ARK2C: variants seen among roughly 807,000 people sequenced by gnomAD.
ARK2C encodes the protein E3 ubiquitin-protein ligase ARK2C.
At chr18:46,422,728 A>T in the ARK2C span, among the ~76,000 whole-genome samples, 4 of 152,180 alleles carry the variant, frequency 2.6e-5, no homozygotes, top group Non-Finnish European at 4.4e-5. Context: ...CTGGTGGGCC[A>T]AAAAGGGCCC....
At chr18:46,341,416 AG>A in the ARK2C span, among the ~76,000 whole-genome samples, 1 of 151,806 alleles carries the variant, frequency 6.6e-6, no homozygotes, top group Non-Finnish European at 1.5e-5. Context: ...TCTATGTGGA[AG>A]GGGCTGAGGG....
the ARK2C span, among the ~76,000 whole-genome samples, chr18:46,396,284 T>C: frequency 0.12 from 18,889 of 152,086 alleles, 1,303 homozygotes; most frequent in East Asian, 0.27. Context: ...GAGGAGGGAA[T>C]GGAGGCCATT....
chr18:46,389,578 T>A, the ARK2C span, among the ~76,000 whole-genome samples: 1 of 152,112 alleles, frequency 6.6e-6, no homozygotes, highest in African/African-American at 2.4e-5. Context: ...TGGGGGTGGA[T>A]TATTACGCTT....
At chr18:46,342,429 G>C in the ARK2C span, among the ~76,000 whole-genome samples, 1 of 152,206 alleles carries the variant, frequency 6.6e-6, no homozygotes, top group Non-Finnish European at 1.5e-5. Flanking sequence ...GCCAAGCTTC[G>C]AGGGGGTCTA....
At chr18:46,373,714 G>T in the ARK2C span, among the ~76,000 whole-genome samples, 1 of 152,206 alleles carries the variant, frequency 6.6e-6, no homozygotes, top group Non-Finnish European at 1.5e-5. Flanking sequence ...TTAGGACAGG[G>T]CTGTCTCCAG....
the ARK2C span, among the ~76,000 whole-genome samples, chr18:46,346,262 G>A: frequency 1.3e-5 from 2 of 152,194 alleles, no homozygotes; most frequent in African/African-American, 4.8e-5. Context: ...TCTGAGGGGG[G>A]CACAGGACTC....
At chr18:46,426,272 A>G in the ARK2C span, among the ~76,000 whole-genome samples, 1 of 152,190 alleles carries the variant, frequency 6.6e-6, no homozygotes, top group Admixed American at 6.5e-5. Context: ...GTTACTTATC[A>G]GATGAGTGTC....
chr18:46,454,709 A>C, the ARK2C span, among the ~76,000 whole-genome samples: 7 of 152,208 alleles, frequency 4.6e-5, no homozygotes, highest in Non-Finnish European at 8.8e-5. Context: ...GTGACTCTTC[A>C]GATTTTTCTC....
the ARK2C span, chr18:46,435,403 C>A: frequency 8.1e-6 from 13 of 1,599,758 alleles, 1 homozygote; most frequent in South Asian, 1.4e-4. Context: ...ACTGGTGAGT[C>A]TTCAGGGCCC....
the ARK2C span, among the ~76,000 whole-genome samples, chr18:46,349,358 G>C: frequency 1.3e-4 from 20 of 152,192 alleles, no homozygotes; most frequent in African/African-American, 4.6e-4. Flanking sequence ...CAGATGGTGA[G>C]AGGGACTCCT....
At chr18:46,395,893 C>G in the ARK2C span, among the ~76,000 whole-genome samples, 2 of 152,150 alleles carry the variant, frequency 1.3e-5, no homozygotes, top group African/African-American at 4.8e-5. Context: ...TATGGGAAAG[C>G]CCAGTAGTTC....
chr18:46,364,792 C>A, the ARK2C span, among the ~76,000 whole-genome samples: 2 of 152,190 alleles, frequency 1.3e-5, no homozygotes, highest in African/African-American at 4.8e-5. Flanking sequence ...GGTCATAGAA[C>A]CTGCAGAAGA....
the ARK2C span, among the ~76,000 whole-genome samples, chr18:46,443,052 C>T: frequency 2.0e-5 from 3 of 152,166 alleles, no homozygotes; most frequent in Non-Finnish European, 4.4e-5. Flanking sequence ...GAATGGACAG[C>T]ATATACTTGG....
the ARK2C span, among the ~76,000 whole-genome samples, chr18:46,448,336 G>A: frequency 6.6e-6 from 1 of 152,136 alleles, no homozygotes; most frequent in Non-Finnish European, 1.5e-5. Flanking sequence ...CCCTCTCTTC[G>A]CAGCTCCTAT....
At chr18:46,456,038 G>A in the ARK2C span, 1 of 1,613,100 alleles carries the variant, frequency 6.2e-7, no homozygotes, top group Non-Finnish European at 8.5e-7. Context: ...GATGAGAAAT[G>A]CACAATTTGT....
the ARK2C span, among the ~76,000 whole-genome samples, chr18:46,367,153 C>T: frequency 4.7e-4 from 72 of 152,266 alleles, no homozygotes; most frequent in Middle Eastern, 3.4e-3. Flanking sequence ...TCTCTTCTTA[C>T]GGATGAAGAG....
At chr18:46,353,150 T>A in the ARK2C span, among the ~76,000 whole-genome samples, 5 of 152,378 alleles carry the variant, frequency 3.3e-5, no homozygotes, top group South Asian at 8.3e-4. Flanking sequence ...ATTTTCCATC[T>A]TATCCAAAAG....
At chr18:46,369,568 C>T in the ARK2C span, among the ~76,000 whole-genome samples, 24,270 of 152,018 alleles carry the variant, frequency 0.16, 2,600 homozygotes, top group East Asian at 0.4. Flanking sequence ...GTTTGCAGGG[C>T]GGGATTCCCT....
chr18:46,400,454 C>A, the ARK2C span, among the ~76,000 whole-genome samples: 1 of 152,212 alleles, frequency 6.6e-6, no homozygotes, highest in Non-Finnish European at 1.5e-5. Flanking sequence ...CCTGTCACCT[C>A]TTCAACTCAG....
Sources: allele counts gnomAD v4.1 joint callset (sites outside exome capture counted in the v4.1 genomes callset), GRCh38; gene constraint gnomAD v4.1.1; transcripts MANE v1.5; gene names NCBI Gene and HGNC (gene_info 2026-07-23, HGNC 2026-07-21).